PAXBP1: variants seen among roughly 807,000 people sequenced by gnomAD.
PAXBP1 encodes the protein PAX3 and PAX7 binding protein 1, also known as PAX3- and PAX7-binding protein 1.
In PAXBP1, 44 loss-of-function variants were observed where a neutral mutation model predicts 119.9. The ratio of observed to expected loss-of-function variants is 0.37; its 90% CI spans 0.29 to 0.47. PAXBP1 has a LOEUF of 0.47. Ranked by LOEUF, PAXBP1 falls within the 20% of genes least tolerant of loss-of-function variation. The probability of loss-of-function intolerance (pLI) is 0.99; values close to 1 mark genes in which losing one functional copy is unlikely to be tolerated. For synonymous variants in PAXBP1, 393 were observed against 406.6 expected, an observed-to-expected ratio of 0.97 and a Z score of 0.40; for missense variants, 898 against 1,134.1, an observed-to-expected ratio of 0.79 and a Z score of 2.99.
At chr21:32,761,391 T>A (rs114287216) in intron 4 of PAXBP1, among the ~76,000 whole-genome samples, 1,778 of 152,324 alleles carry the variant, frequency 0.012, 34 homozygotes, top group African/African-American at 0.038. Flanking sequence ...CTTGGATGTG[T>A]TTCTTAATCT....
rs2044211804 is a variant in PAXBP1, at chr21:32,764,728, T to TA, written c.473-205dup. The stretch of plus-strand genomic sequence containing the variant: ...TTGAGTGTGTGAGTATGAAACAGCA[T>TA]AACAGACAGGATTAGGTAAAAATAA... On this transcript the variant is annotated intron_variant, in intron 2 of 17. Transcript: ENST00000331923. Among the ~76,000 whole-genome samples, 6 of 152,278 alleles carry TA rather than the reference T, an allele frequency of 3.9e-5. 1 individual carries two copies. The East Asian group carries it at 1.2e-3, about 29-fold the overall frequency.
chr21:32,765,514 G>T (rs997384998), intron 2 of PAXBP1, among the ~76,000 whole-genome samples: 2 of 152,132 alleles, frequency 1.3e-5, no homozygotes, highest in Non-Finnish European at 2.9e-5. Flanking sequence ...TAAAGCAAAA[G>T]TTTATTCTCA....
rs1268579207 is a variant in PAXBP1, at chr21:32,762,321, G to C, written c.650-4C>G. 2 of 1,611,726 alleles carry C rather than the reference G, an allele frequency of 1.2e-6. No individual in the cohort carries two copies. Among genetic ancestry groups the C allele is most frequent in the Non-Finnish European group, 1.7e-6 (2 of 1,178,646 alleles). On this transcript the variant is annotated splice_polypyrimidine_tract_variant and splice_region_variant and intron_variant, in intron 3 of 17. Coordinates refer to ENST00000331923, the MANE Select transcript of PAXBP1 (RefSeq NM_016631.4). Reference sequence around the variant, plus strand: ...AAAGCTGCATCTGGAATTTCTCCTAGAAACAAATGGTAAGAATATGGCAGT... The same window carrying C: ...AAAGCTGCATCTGGAATTTCTCCTACAAACAAATGGTAAGAATATGGCAGT...
intron 15 of PAXBP1, chr21:32,742,830 T>C (rs2043808714): frequency 6.1e-6 from 2 of 328,130 alleles, no homozygotes; most frequent in South Asian, 5.2e-5. Context: ...AATCTCTTAC[T>C]GTGCCTAATT....
chr21:32,748,728 A>G, intron 10 of PAXBP1, 30 bp from the exon 11 acceptor site: 1 of 1,571,134 alleles, frequency 6.4e-7, no homozygotes, highest in South Asian at 1.1e-5. Context: ...ACAGAGAACC[A>G]TACATTAGTA....
At chr21:32,764,006 A>C (rs989472220) in intron 3 of PAXBP1, among the ~76,000 whole-genome samples, 2 of 152,060 alleles carry the variant, frequency 1.3e-5, no homozygotes, top group African/African-American at 2.4e-5. Context: ...AAAAAAAAAA[A>C]AAAAAACTAA....
chr21:32,759,529 A>G (rs1039965811), intron 6 of PAXBP1: 5 of 602,460 alleles, frequency 8.3e-6, no homozygotes, highest in African/African-American at 3.7e-5. Flanking sequence ...TCAGAGTCCA[A>G]GAGGTACAAA....
intron 13 of PAXBP1, among the ~76,000 whole-genome samples, 179 bp from the exon 14 acceptor site, chr21:32,743,933 A>G (rs947338720): frequency 6.6e-6 from 1 of 152,212 alleles, no homozygotes; most frequent in Non-Finnish European, 1.5e-5. Context: ...TCATTCCTCA[A>G]CAACTGCCAA....
chr21:32,762,568 A>G (rs1283560345), intron 3 of PAXBP1, among the ~76,000 whole-genome samples: 2 of 151,468 alleles, frequency 1.3e-5, no homozygotes, highest in Non-Finnish European at 3.0e-5. Context: ...ACGGGGTAAA[A>G]AGGAAAAACC....
At chr21:32,762,005 A>C (rs2044156347) in intron 4 of PAXBP1, 91 bp downstream of exon 4, 3 of 1,309,066 alleles carry the variant, frequency 2.3e-6, no homozygotes, top group South Asian at 2.6e-5. Context: ...GTACCACTGC[A>C]CTCTGGCCTA....
chr21:32,737,125 G>T, intron 17 of PAXBP1, 129 bp downstream of exon 17: 2 of 716,266 alleles, frequency 2.8e-6, no homozygotes, highest in Non-Finnish European at 2.0e-6. Flanking sequence ...GTGCATTTTT[G>T]GTAGGTTTAT....
chr21:32,762,184 G>A lies in PAXBP1; in HGVS notation c.783C>T (p.Ala261=), dbSNP rs560174157. The A allele has an allele frequency of 2.5e-6, 4 of 1,614,018 alleles. No homozygotes were observed. In the South Asian group the frequency reaches 4.4e-5, roughly 18 times the overall value. The change falls in exon 4 of 18, where the codon GCC becomes GCT. Residue 261 remains alanine, a synonymous_variant. Transcript: ENST00000331923. Reference sequence around the variant, plus strand: ...TCTCATCGTCATCTTCATCATCACTGGCATCATTCTCATCTTCTCTAACAA... The same window carrying A: ...TCTCATCGTCATCTTCATCATCACTAGCATCATTCTCATCTTCTCTAACAA... The part of the protein sequence containing the change: ...GRLVREDEND[A]SDDEDDDEKR...
At chr21:32,749,873 G>C (rs2043932651) in intron 10 of PAXBP1, among the ~76,000 whole-genome samples, 1 of 152,152 alleles carries the variant, frequency 6.6e-6, no homozygotes, top group African/African-American at 2.4e-5. Context: ...GGGTGGGTGT[G>C]TGAATGTGTA....
chr21:32,751,448 AC>A (rs909086974), intron 8 of PAXBP1: 27 of 405,640 alleles, frequency 6.7e-5, no homozygotes, highest in Non-Finnish European at 1.2e-4. Context: ...TAAGAGTTCA[AC>A]AACCCTACAA....
intron 13 of PAXBP1, among the ~76,000 whole-genome samples, chr21:32,744,256 G>T: frequency 9.1e-6 from 1 of 109,630 alleles, no homozygotes; most frequent in Admixed American, 1.1e-4. Context: ...GACAGCTGAT[G>T]AGCTAAAAAA....
At chr21:32,750,323 A>T (rs1435546523) in intron 10 of PAXBP1, among the ~76,000 whole-genome samples, 1 of 152,218 alleles carries the variant, frequency 6.6e-6, no homozygotes, top group Non-Finnish European at 1.5e-5. Flanking sequence ...TATGTGGATG[A>T]TCACTGTGCT....
At chr21:32,770,011 A>T in intron 1 of PAXBP1, 69 bp from the exon 2 acceptor site, 2 of 1,203,104 alleles carry the variant, frequency 1.7e-6, no homozygotes, top group Non-Finnish European at 1.1e-6. Flanking sequence ...CTTTCACATG[A>T]TCTTACGTGC....
At chr21:32,749,379 G>C (rs971871544) in intron 10 of PAXBP1, among the ~76,000 whole-genome samples, 4 of 151,940 alleles carry the variant, frequency 2.6e-5, no homozygotes, top group Non-Finnish European at 1.5e-5. Flanking sequence ...ATTTTTAGTA[G>C]AGATGGAGTT....
In PAXBP1 at chr21:32,762,209, A is replaced by G; in HGVS notation, c.758T>C (p.Leu253Pro). ...GGCATCATTCTCATCTTCTCTAACA[A>G]GGCGGCCTTTACCAGGCTCATTATC... Reference protein sequence around the residue: ...PHDNEPGKGRLVREDENDASD... With the variant: ...PHDNEPGKGRPVREDENDASD... The change falls in exon 4 of 18, where the codon CTT becomes CCT. Residue 253 changes from leucine to proline, a missense_variant. By Grantham distance (98) the Leu-to-Pro change is moderately conservative. Transcript: ENST00000331923. 2 of 1,614,144 alleles carry G rather than the reference A, an allele frequency of 1.2e-6. No homozygotes were observed. Among genetic ancestry groups the G allele is most frequent in the South Asian group, 2.2e-5 (2 of 91,078 alleles).
Sources: allele counts gnomAD v4.1 joint callset (sites outside exome capture counted in the v4.1 genomes callset), GRCh38; gene constraint gnomAD v4.1.1; transcripts MANE v1.5; gene names NCBI Gene and HGNC (gene_info 2026-07-23, HGNC 2026-07-21).